Variants in GPR161 observed in about 807,000 individuals in gnomAD.
GPR161 encodes the protein G protein-coupled receptor 161.
A neutral mutation model predicts 39.2 loss-of-function variants in GPR161; 25 were observed. That is an observed-to-expected ratio of 0.64 (90% CI 0.47 to 0.89). The LOEUF (loss-of-function observed/expected upper bound fraction) is 0.89. Among genes scored for constraint, GPR161 ranks in the 40% least tolerant of loss-of-function variants. The pLI is 0.00. For synonymous variants in GPR161, 286 were observed against 276.6 expected, an observed-to-expected ratio of 1.03 and a Z score of -0.34; for missense variants, 547 against 677.8, an observed-to-expected ratio of 0.81 and a Z score of 2.14.
At chr1:168,108,026 T>C (rs952177844) in intron 1 of GPR161, among the ~76,000 whole-genome samples, 4 of 152,204 alleles carry the variant, frequency 2.6e-5, no homozygotes, top group Non-Finnish European at 5.9e-5. Flanking sequence ...GATGTTTATT[T>C]AGCTCATGGT....
chr1:168,090,393 G>GAAAAGTC, intron 4 of GPR161, 171 bp downstream of exon 4: 1 of 520,480 alleles, frequency 1.9e-6, no homozygotes, highest in Non-Finnish European at 3.5e-6. Flanking sequence ...CAGGAAAGCT[G>GAAAAGTC]AAAAGTCAAA....
At position 168,083,416 on chromosome 1, in the gene GPR161, C is replaced by G. The variant is rs774760428; in HGVS notation, c.*2115G>C. 1 of 152,240 alleles carries G rather than the reference C, an allele frequency of 6.6e-6. No individual in the cohort carries two copies. Among genetic ancestry groups the G allele is most frequent in the Non-Finnish European group, 1.5e-5 (1 of 68,094 alleles). The allele number at this position is 152,240 out of a possible 1,614,324, so 9.4% of individuals were successfully genotyped here. On this transcript the variant is annotated 3_prime_UTR_variant, in exon 6 of 6. Transcript: ENST00000682931. ...TCAGGGGAACATTCTCCAACCCTTG[C>G]GTTTCAAAGCCAAGCTGCTGCACTC...
Position 168,082,401 on chromosome 1 carries a change from C to T in GPR161, c.*3130G>A, listed in dbSNP as rs765077344. On this transcript the variant is annotated 3_prime_UTR_variant, in exon 6 of 6. Coordinates refer to ENST00000682931, the MANE Select transcript of GPR161 (RefSeq NM_001375883.1). ...CCAGAGGCAAACAAGCTCTCAGGTT[C>T]ATCCTTGGCTCTGCACAGCCACACC... 6.6e-6 allele frequency: 1 copy of T among 152,266 alleles called. No homozygotes were observed. Among genetic ancestry groups the T allele is most frequent in the African/African-American group, 2.4e-5 (1 of 41,464 alleles). 9.4% of individuals were successfully genotyped at this position (152,266 alleles called of 1,614,324 possible).
At chr1:168,092,241 G>A (rs1267515836) in intron 3 of GPR161, among the ~76,000 whole-genome samples, 4 of 152,212 alleles carry the variant, frequency 2.6e-5, no homozygotes, top group African/African-American at 9.6e-5. Flanking sequence ...TTCAGCAGGA[G>A]GCCTGGCTTA....
In GPR161 at chr1:168,085,646, C is replaced by T. The variant is rs1001678771; in HGVS notation, c.1475G>A (p.Arg492Gln). Residue 492 changes from arginine to glutamine, a missense_variant, in exon 6 of 6, where the codon CGG (arginine) becomes CAG (glutamine). Transcript: ENST00000682931. The part of the protein sequence containing the change: ...EALPGVLVTA[R>Q]TVPGGGFGGR... ...CCCGAAGCCGCCCCCCGGGACAGTC[C>T]GTGCTGTAACCAAGACCCCTGGCAA... 5.6e-6 allele frequency: 9 copies of T among 1,614,074 alleles called. No individual in the cohort carries two copies. Among genetic ancestry groups the T allele is most frequent in the Admixed American group, 1.7e-5 (1 of 60,014 alleles).
chr1:168,136,657 T>G (rs1322378296), intron 1 of GPR161, 82 bp downstream of exon 1: 34 of 1,194,368 alleles, frequency 2.8e-5, no homozygotes, highest in Middle Eastern at 3.3e-4. Context: ...GCCCTCAGCC[T>G]CGCACAATGA....
At chr1:168,105,286 AG>A (rs1294615033) in intron 1 of GPR161, among the ~76,000 whole-genome samples, 1 of 152,168 alleles carries the variant, frequency 6.6e-6, no homozygotes, top group Non-Finnish European at 1.5e-5. Context: ...TTAAACAAGC[AG>A]GCTGGGGCAG....
chr1:168,084,242 C>G lies in GPR161; in HGVS notation c.*1289G>C, dbSNP rs543513665. 1 of 162,486 alleles carries G rather than the reference C, an allele frequency of 6.2e-6. No individual in the cohort carries two copies. Among genetic ancestry groups the G allele is most frequent in the Admixed American group, 5.6e-5 (1 of 17,786 alleles). The allele number at this position is 162,486 out of a possible 1,614,324, so 10.1% of individuals were successfully genotyped here. ...GGACAGGGCAGACAAAGCCACAGAA[C>G]CTTGATCTGCCTGCACTTCACATGT... On this transcript the variant is annotated 3_prime_UTR_variant, in exon 6 of 6. Coordinates refer to ENST00000682931, the MANE Select transcript of GPR161 (RefSeq NM_001375883.1).
At position 168,102,386 on chromosome 1, in the gene GPR161, G is replaced by A. The variant is rs11577972; in HGVS notation, c.374+2091C>T. 4.6e-5 allele frequency among the ~76,000 whole-genome samples: 7 copies of A among 152,236 alleles called. No individual in the cohort carries two copies. The East Asian group carries it at 7.7e-4, about 17-fold the overall frequency. On this transcript the variant is annotated intron_variant, in intron 2 of 5. Transcript: ENST00000682931. ...ATTTCTACTTTTGTGTTAAATCGGC[G>A]CCCACAAGTCAGCCTCTGCCACTCA...
intron 4 of GPR161, chr1:168,089,532 G>A (rs891401724): frequency 1.3e-5 from 2 of 152,474 alleles, no homozygotes; most frequent in Non-Finnish European, 2.9e-5. Flanking sequence ...CCCAGGTCAA[G>A]TCAGAGGTGG....
At chr1:168,117,502 C>G (rs112832181) in intron 1 of GPR161, among the ~76,000 whole-genome samples, 3 of 152,110 alleles carry the variant, frequency 2.0e-5, no homozygotes, top group South Asian at 2.1e-4. Flanking sequence ...GTTACTTAAC[C>G]CCCCCCTGCA....
At chr1:168,094,383 G>C (rs1302553344) in intron 3 of GPR161, among the ~76,000 whole-genome samples, 3 of 152,156 alleles carry the variant, frequency 2.0e-5, no homozygotes, top group African/African-American at 7.2e-5. Flanking sequence ...GGTCATATGT[G>C]AAAATGTGGG....
In GPR161 at chr1:168,096,969, CG is replaced by C; in HGVS notation, c.637del (p.Arg213AlafsTer110). The C allele has an allele frequency of 6.2e-7, 1 of 1,614,118 alleles. No homozygotes were observed. On this transcript the variant is annotated frameshift_variant, in exon 3 of 6. Coordinates refer to ENST00000682931, the MANE Select transcript of GPR161 (RefSeq NM_001375883.1). LOFTEE classifies it high-confidence loss of function. ...VMLVCYGFIF[R>X]VARVKARKVH... is the part of the protein sequence containing the mutation. Reference sequence around the variant, plus strand: ...CTTGCGTGCCTTGACCCTGGCCACGCGGAAGATGAAGCCATAGCACACCAGC... The same window carrying C: ...CTTGCGTGCCTTGACCCTGGCCACGCGAAGATGAAGCCATAGCACACCAGC...
chr1:168,133,513 T>C (rs1699152514), intron 1 of GPR161, among the ~76,000 whole-genome samples: 1 of 152,250 alleles, frequency 6.6e-6, no homozygotes, highest in Non-Finnish European at 1.5e-5. Flanking sequence ...AAATACTATG[T>C]TATTATTAAA....
rs1469543143 is a variant in GPR161, at chr1:168,084,670, C to T, written c.*861G>A. 5.4e-6 allele frequency: 2 copies of T among 369,628 alleles called. No homozygotes were observed. The highest frequency in any genetic ancestry group is 5.2e-6 in the Non-Finnish European group (1 of 190,716). The allele number at this position is 369,628 out of a possible 1,614,324, so 22.9% of individuals were successfully genotyped here. A position where few individuals can be genotyped will look rare whatever the true frequency, so the allele number is the denominator to read the frequency against. ...ATTTAATGAGGCTTTCCCATGTGAACAAATTCCCTTCCATAATAACAGTTT... is the reference window on the plus strand; with the variant it reads ...ATTTAATGAGGCTTTCCCATGTGAATAAATTCCCTTCCATAATAACAGTTT... On this transcript the variant is annotated 3_prime_UTR_variant, in exon 6 of 6. Transcript: ENST00000682931.
At chr1:168,091,122 G>C (rs978395081) in intron 3 of GPR161, among the ~76,000 whole-genome samples, 3 of 152,226 alleles carry the variant, frequency 2.0e-5, no homozygotes, top group African/African-American at 7.2e-5. Flanking sequence ...GCAGATGGTT[G>C]AGAGTGATGA....
At chr1:168,094,096 T>C (rs932425492) in intron 3 of GPR161, among the ~76,000 whole-genome samples, 2 of 152,220 alleles carry the variant, frequency 1.3e-5, no homozygotes, top group East Asian at 1.9e-4. Flanking sequence ...CAGCTGGTGT[T>C]TTCCGCCTGT....
intron 4 of GPR161, among the ~76,000 whole-genome samples, chr1:168,090,154 A>T (rs1694913691): frequency 6.6e-6 from 1 of 152,200 alleles, no homozygotes; most frequent in African/African-American, 2.4e-5. Context: ...GTTTAGGAGG[A>T]GATCATGCAA....
In GPR161 at chr1:168,104,915, C is replaced by G. The variant is rs767418265; in HGVS notation, c.-44-21G>C. Reference sequence around the variant, plus strand: ...GACGACTGGAAAGATAAGGCAGGACCAGGGGACAGGAAAAGATTCATCAAA... The same window carrying G: ...GACGACTGGAAAGATAAGGCAGGACGAGGGGACAGGAAAAGATTCATCAAA... On this transcript the variant is annotated intron_variant, in intron 1 of 5. Transcript: ENST00000682931. 4.4e-6 allele frequency: 7 copies of G among 1,574,274 alleles called. No homozygotes were observed. In the Admixed American group the frequency reaches 5.2e-5, roughly 12 times the overall value.
Sources: gnomAD v4.1 joint callset for allele counts (sites outside exome capture counted in the v4.1 genomes callset) on GRCh38, gnomAD v4.1.1 for gene constraint, MANE v1.5 for transcripts, NCBI Gene and HGNC (gene_info 2026-07-23, HGNC 2026-07-21) for gene names.